ACOXL: variants seen among roughly 807,000 people sequenced by gnomAD.
The protein encoded by ACOXL is acyl-CoA oxidase like, also known as acyl-coenzyme A oxidase-like protein.
A neutral mutation model predicts 71.9 loss-of-function variants in ACOXL; 70 were observed. The observed-to-expected ratio is 0.97, with a 90% CI of 0.80 to 1.19. ACOXL has a LOEUF of 1.19. Ranked by LOEUF, ACOXL falls within the 50% of genes most tolerant of loss-of-function variation. ACOXL has a pLI of 0.00. For missense variants in ACOXL, 703 were observed against 736.3 expected, an observed-to-expected ratio of 0.95 and a Z score of 0.52; for synonymous variants, 253 against 281.6, an observed-to-expected ratio of 0.90 and a Z score of 1.02.
chr2:110,924,232 T>C (rs958867106), intron 11 of ACOXL, among the ~76,000 whole-genome samples: 1 of 152,258 alleles, frequency 6.6e-6, no homozygotes, highest in Non-Finnish European at 1.5e-5. Flanking sequence ...GTGGAGGGTC[T>C]TGACTTGATG....
At chr2:111,105,460 A>G (rs986960996) in intron 17 of ACOXL, among the ~76,000 whole-genome samples, 6 of 83,606 alleles carry the variant, frequency 7.2e-5, no homozygotes, top group Non-Finnish European at 1.6e-4. Flanking sequence ...CAGTCTCTGA[A>G]TATGGTATGT....
chr2:110,948,294 T>C (rs1156854367), intron 12 of ACOXL, among the ~76,000 whole-genome samples: 1 of 152,220 alleles, frequency 6.6e-6, no homozygotes, highest in East Asian at 1.9e-4. Flanking sequence ...TGAGCGATTA[T>C]ATTTAATGAT....
At chr2:111,066,079 A>G (rs2067058252) in intron 16 of ACOXL, among the ~76,000 whole-genome samples, 1 of 152,250 alleles carries the variant, frequency 6.6e-6, no homozygotes, top group African/African-American at 2.4e-5. Context: ...TTGCATATTA[A>G]TGTACATAGC....
At chr2:111,064,329 G>C (rs1481423217) in intron 16 of ACOXL, among the ~76,000 whole-genome samples, 1 of 151,848 alleles carries the variant, frequency 6.6e-6, no homozygotes, top group African/African-American at 2.4e-5. Flanking sequence ...CCGGCTACTC[G>C]GGAGGCTGAG....
chr2:111,088,348 G>A lies in ACOXL; in HGVS notation c.1441-4517G>A, dbSNP rs2068331669. Among the ~76,000 whole-genome samples the A allele has an allele frequency of 2.0e-5, 3 of 152,300 alleles. No individual in the cohort carries two copies. In the South Asian group the frequency reaches 6.2e-4, roughly 32 times the overall value. ...ACCATAAGGATACATGCATGCCTGTGTTCACTGCAGCACCATTCACAATAG... is the reference window on the plus strand; with the variant it reads ...ACCATAAGGATACATGCATGCCTGTATTCACTGCAGCACCATTCACAATAG... On this transcript the variant is annotated intron_variant, in intron 16 of 17. Transcript: ENST00000439055.
At chr2:110,799,399 G>A (rs1302630393) in intron 7 of ACOXL, among the ~76,000 whole-genome samples, 1 of 152,072 alleles carries the variant, frequency 6.6e-6, no homozygotes, top group Non-Finnish European at 1.5e-5. Context: ...TGAGACTTGG[G>A]GGCTCTCAGG....
At chr2:110,793,603 G>A in intron 3 of ACOXL, 47 bp from the exon 4 acceptor site, 1 of 1,551,380 alleles carries the variant, frequency 6.4e-7, no homozygotes, top group Non-Finnish European at 8.9e-7. Context: ...ATTGTCTTTA[G>A]ATTGCTGACT....
intron 9 of ACOXL, among the ~76,000 whole-genome samples, chr2:110,834,004 A>T (rs774852347): frequency 2.6e-5 from 4 of 152,180 alleles, no homozygotes; most frequent in Non-Finnish European, 4.4e-5. Flanking sequence ...CAGCCCATCA[A>T]TGGGCTTGCA....
chr2:110,855,471 T>C (rs1693115804), intron 10 of ACOXL, among the ~76,000 whole-genome samples: 1 of 152,192 alleles, frequency 6.6e-6, no homozygotes, highest in Admixed American at 6.5e-5. Context: ...GAATATGAGA[T>C]ACGATTTGAG....
At chr2:110,880,613 A>G (rs967036826) in intron 10 of ACOXL, among the ~76,000 whole-genome samples, 1 of 152,218 alleles carries the variant, frequency 6.6e-6, no homozygotes, top group Non-Finnish European at 1.5e-5. Flanking sequence ...GAGTTGTTAC[A>G]TACAACTGTG....
At chr2:110,793,555 A>G (rs1017800994) in intron 3 of ACOXL, 95 bp from the exon 4 acceptor site, 2 of 1,165,572 alleles carry the variant, frequency 1.7e-6, no homozygotes, top group African/African-American at 3.0e-5. Flanking sequence ...CAGGGGGCTG[A>G]ATAGCTGCTC....
At chr2:111,031,217 G>A (rs3789091) in intron 14 of ACOXL, among the ~76,000 whole-genome samples, 81,435 of 152,008 alleles carry the variant, frequency 0.54, 21,954 homozygotes, top group South Asian at 0.65. Context: ...ACAAATGGAA[G>A]CTCCTGACTG....
intron 16 of ACOXL, among the ~76,000 whole-genome samples, chr2:111,076,551 G>A (rs2067608876): frequency 6.6e-6 from 1 of 151,676 alleles, no homozygotes; most frequent in African/African-American, 2.4e-5. Context: ...TCTCTTGATT[G>A]GTATGTTTAA....
intron 12 of ACOXL, among the ~76,000 whole-genome samples, chr2:110,975,281 ACAAATTT>A (rs2062393329): frequency 6.6e-6 from 1 of 152,222 alleles, no homozygotes; most frequent in South Asian, 2.1e-4. Context: ...AAAATTTCAA[ACAAATTT>A]CAAGACAGAA....
intron 11 of ACOXL, among the ~76,000 whole-genome samples, chr2:110,931,285 C>G: frequency 6.6e-6 from 1 of 152,212 alleles, no homozygotes; most frequent in East Asian, 1.9e-4. Context: ...TGGGGCCTCT[C>G]ACAGTTCTTT....
intron 2 of ACOXL, among the ~76,000 whole-genome samples, chr2:110,769,265 A>AG (rs56867101): frequency 5.9e-5 from 9 of 152,004 alleles, no homozygotes; most frequent in African/African-American, 1.9e-4. Context: ...AAAGAAAGAA[A>AG]AAAATACATG....
intron 2 of ACOXL, 60 bp downstream of exon 2, chr2:110,768,524 G>C (rs13419889): frequency 3.4e-5 from 50 of 1,481,858 alleles, no homozygotes; most frequent in Non-Finnish European, 4.5e-5. Context: ...GAGAGAGAGA[G>C]AGAGAGAGAG....
chr2:110,771,405 C>T (rs1681907887), intron 2 of ACOXL, among the ~76,000 whole-genome samples: 1 of 152,152 alleles, frequency 6.6e-6, no homozygotes, highest in Non-Finnish European at 1.5e-5. Context: ...TCCCTGGACC[C>T]CCCTTTCATG....
At chr2:110,929,214 T>C (rs1166634008) in intron 11 of ACOXL, among the ~76,000 whole-genome samples, 2 of 152,178 alleles carry the variant, frequency 1.3e-5, no homozygotes, top group Non-Finnish European at 2.9e-5. Context: ...ATGGTGATAA[T>C]GATATGGACA....
Sources: allele counts gnomAD v4.1 joint callset (sites outside exome capture counted in the v4.1 genomes callset), GRCh38; gene constraint gnomAD v4.1.1; transcripts MANE v1.5; gene names NCBI Gene and HGNC (gene_info 2026-07-23, HGNC 2026-07-21).